The following ELF5 variants were observed in gnomAD, a reference collection of about 807,000 sequenced individuals.
The protein encoded by ELF5 is E74 like ETS transcription factor 5.
ELF5 carries 31 observed loss-of-function variants against 38.2 expected under a neutral mutation model. The observed-to-expected ratio is 0.81, with a 90% CI of 0.61 to 1.10. The LOEUF (loss-of-function observed/expected upper bound fraction) is 1.10, where lower values mean the gene tolerates loss of function less well. ELF5 is among the 50% of genes least tolerant of loss of function. The pLI, the probability that ELF5 is intolerant of heterozygous loss-of-function variation, is 0.00. For missense variants in ELF5, 300 were observed against 306.6 expected (o/e 0.98, Z 0.16); for synonymous variants, 121 against 112.5 (o/e 1.08, Z -0.48).
Position 34,510,914 on chromosome 11 carries a change from G to A in ELF5, c.-5+2763C>T, listed in dbSNP as rs200022446. ...GATCTGCTGGGAGGTCTCTTGGCCT[G>A]CTGTTCTGGACATACTTTTCATTTT... On this transcript the variant is annotated intron_variant, in intron 1 of 6. Coordinates refer to ENST00000257832, the MANE Select transcript of ELF5 (RefSeq NM_001422.4). 5.3e-5 allele frequency among the ~76,000 whole-genome samples: 8 copies of A among 152,312 alleles called. No individual in the cohort carries two copies. The East Asian group carries it at 1.5e-3, about 29-fold the overall frequency.
At chr11:34,510,326 T>C (rs1226822758) in intron 1 of ELF5, among the ~76,000 whole-genome samples, 4 of 151,832 alleles carry the variant, frequency 2.6e-5, no homozygotes, top group Non-Finnish European at 4.4e-5. Flanking sequence ...TTTTTTTTTT[T>C]CCTGTTACAG....
At chr11:34,508,272 C>A (rs972900638) in intron 1 of ELF5, among the ~76,000 whole-genome samples, 22 of 151,988 alleles carry the variant, frequency 1.4e-4, no homozygotes, top group Admixed American at 2.0e-4. Context: ...GAGGCCGAGG[C>A]GGGTGGGTCA....
chr11:34,490,505 T>G (rs1850139446), intron 3 of ELF5, among the ~76,000 whole-genome samples: 1 of 152,210 alleles, frequency 6.6e-6, no homozygotes, highest in South Asian at 2.1e-4. Flanking sequence ...GTCTCTGACA[T>G]GGCCTCTAAT....
At chr11:34,506,907 T>C (rs1490446555) in intron 1 of ELF5, among the ~76,000 whole-genome samples, 3 of 152,124 alleles carry the variant, frequency 2.0e-5, no homozygotes, top group African/African-American at 7.3e-5. Context: ...TGAAAGGAAG[T>C]GTGTGTGTAC....
At chr11:34,487,244 A>G (rs1286920396) in intron 4 of ELF5, among the ~76,000 whole-genome samples, 1 of 152,060 alleles carries the variant, frequency 6.6e-6, no homozygotes, top group African/African-American at 2.4e-5. Context: ...TCTCAGGTGG[A>G]CTTAAACTTC....
chr11:34,497,881 G>A (rs1326045170), intron 2 of ELF5, among the ~76,000 whole-genome samples: 1 of 152,160 alleles, frequency 6.6e-6, no homozygotes, highest in East Asian at 1.9e-4. Flanking sequence ...TTGGCCACTT[G>A]TCTCCTTCAA....
intron 2 of ELF5, among the ~76,000 whole-genome samples, chr11:34,500,103 G>A (rs1850424111): frequency 6.6e-6 from 1 of 152,186 alleles, no homozygotes. Flanking sequence ...TCAGGGAAAC[G>A]GGGCCTTCCT....
chr11:34,498,352 ATT>A (rs72228654), intron 2 of ELF5, among the ~76,000 whole-genome samples: 20,138 of 148,806 alleles, frequency 0.14, 1,487 homozygotes, highest in Admixed American at 0.21. Context: ...AACACTTCTA[ATT>A]TTTTTTTTTA....
At chr11:34,482,378 G>A (rs1856961287) in intron 5 of ELF5, 53 bp downstream of exon 5, 4 of 1,520,106 alleles carry the variant, frequency 2.6e-6, no homozygotes, top group Non-Finnish European at 3.6e-6. Flanking sequence ...AGATGACTTT[G>A]TCTGAGGAAT....
chr11:34,498,303 C>G (rs892373459), intron 2 of ELF5, among the ~76,000 whole-genome samples: 6 of 152,140 alleles, frequency 3.9e-5, no homozygotes, highest in African/African-American at 1.4e-4. Flanking sequence ...GGGTTACCTC[C>G]TGGGCTTCCC....
At chr11:34,509,504 G>A (rs116484231) in intron 1 of ELF5, among the ~76,000 whole-genome samples, 2 of 152,220 alleles carry the variant, frequency 1.3e-5, no homozygotes, top group African/African-American at 4.8e-5. Context: ...GTGCTCTGCA[G>A]ATTATCGTGG....
chr11:34,480,553 C>A (rs1856913271), intron 6 of ELF5, among the ~76,000 whole-genome samples: 1 of 152,074 alleles, frequency 6.6e-6, no homozygotes, highest in Non-Finnish European at 1.5e-5. Context: ...GTGAGATGGC[C>A]TGGATTCAGA....
At chr11:34,497,079 G>A (rs956436895) in intron 2 of ELF5, among the ~76,000 whole-genome samples, 11 of 152,202 alleles carry the variant, frequency 7.2e-5, no homozygotes, top group Admixed American at 2.0e-4. Flanking sequence ...AGAGGATGGA[G>A]AGACTGAAGA....
intron 4 of ELF5, among the ~76,000 whole-genome samples, chr11:34,484,817 T>C (rs889151916): frequency 1.1e-4 from 17 of 152,158 alleles, no homozygotes; most frequent in African/African-American, 3.9e-4. Context: ...GGTCAAATGG[T>C]TCCATTGAGG....
chr11:34,484,348 AC>A (rs1488389776), intron 4 of ELF5, among the ~76,000 whole-genome samples: 20 of 151,594 alleles, frequency 1.3e-4, no homozygotes, highest in African/African-American at 4.4e-4. Context: ...TACATACTGT[AC>A]TATATGAACT....
At chr11:34,498,320 C>A (rs1383474795) in intron 2 of ELF5, among the ~76,000 whole-genome samples, 4 of 151,992 alleles carry the variant, frequency 2.6e-5, no homozygotes, top group Non-Finnish European at 5.9e-5. Context: ...TCCCGTGTCA[C>A]CACTTTAATT....
chr11:34,494,874 A>G (rs1850278918), intron 2 of ELF5, among the ~76,000 whole-genome samples: 2 of 152,216 alleles, frequency 1.3e-5, no homozygotes, highest in Middle Eastern at 3.2e-3. Context: ...AGATTAAATG[A>G]CTTAATATAC....
intron 2 of ELF5, among the ~76,000 whole-genome samples, chr11:34,495,071 A>G (rs1056951602): frequency 6.6e-6 from 1 of 152,246 alleles, no homozygotes; most frequent in African/African-American, 2.4e-5. Context: ...CCAAGAACCC[A>G]CGCCAGCGTG....
At chr11:34,509,477 G>A (rs963468457) in intron 1 of ELF5, among the ~76,000 whole-genome samples, 6 of 152,300 alleles carry the variant, frequency 3.9e-5, no homozygotes, top group African/African-American at 9.6e-5. Context: ...CTTTGCTGAT[G>A]CCTGGAGAGG....
Sources: gnomAD v4.1 joint callset for allele counts (sites outside exome capture counted in the v4.1 genomes callset) on GRCh38, gnomAD v4.1.1 for gene constraint, MANE v1.5 for transcripts, NCBI Gene and HGNC (gene_info 2026-07-23, HGNC 2026-07-21) for gene names.